Variants in MTMR9 observed in about 807,000 individuals in gnomAD.
The protein encoded by MTMR9 is myotubularin related protein 9, also known as myotubularin-related protein 9.
MTMR9 carries 39 observed loss-of-function variants against 69.5 expected under a neutral mutation model. That is an observed-to-expected ratio of 0.56 (90% CI 0.43 to 0.73). MTMR9 has a LOEUF of 0.73. Among genes scored for constraint, MTMR9 ranks in the 30% least tolerant of loss-of-function variants. The pLI is 0.00. For synonymous variants in MTMR9, 354 were observed against 240.8 expected, an observed-to-expected ratio of 1.47 and a Z score of -4.35; for missense variants, 900 against 671.2, an observed-to-expected ratio of 1.34 and a Z score of -3.77.
At chr8:11,297,600 A>C (rs1338242254) in intron 2 of MTMR9, among the ~76,000 whole-genome samples, 2 of 148,734 alleles carry the variant, frequency 1.3e-5, no homozygotes, top group Admixed American at 1.3e-4. Flanking sequence ...TTCCTTTGTG[A>C]GAATTGATCT....
Position 11,306,458 on chromosome 8 carries a change from G to T in MTMR9, c.809+51G>T, listed in dbSNP as rs75884818. The T allele has an allele frequency of 7.6e-4, 1,161 of 1,518,198 alleles. 9 individuals are homozygous for T. The African/African-American group carries it at 0.013, about 17-fold the overall frequency. 94.0% of individuals were successfully genotyped at this position (1,518,198 alleles called of 1,614,324 possible). ...ACTCTTATTAGAAGCTAATTATAGTGGGTAAGGCCTTAGCCATTTGAAAAT... is the reference window on the plus strand; with the variant it reads ...ACTCTTATTAGAAGCTAATTATAGTTGGTAAGGCCTTAGCCATTTGAAAAT... On this transcript the variant is annotated intron_variant, in intron 5 of 9. Coordinates refer to ENST00000221086, the MANE Select transcript of MTMR9 (RefSeq NM_015458.4).
downstream of MTMR9, among the ~76,000 whole-genome samples, chr8:11,330,238 A>T (rs1363515626): frequency 1.4e-5 from 2 of 147,066 alleles, no homozygotes; most frequent in Admixed American, 6.7e-5. Context: ...CCCGTCCGGG[A>T]GGGAGGTGGA....
downstream of MTMR9, chr8:11,332,322 A>C: frequency 5.6e-4 from 491 of 877,006 alleles, no homozygotes; most frequent in Middle Eastern, 7.6e-4. Context: ...CAAATGAGAA[A>C]TCTGGCTTAT....
intron 1 of MTMR9, among the ~76,000 whole-genome samples, chr8:11,285,560 T>C (rs1461821780): frequency 6.6e-6 from 1 of 152,200 alleles, no homozygotes; most frequent in East Asian, 1.9e-4. Flanking sequence ...TATTATTTCT[T>C]ACCTTCTGGG....
chr8:11,285,352 T>G, intron 1 of MTMR9: 1 of 329,752 alleles, frequency 3.0e-6, no homozygotes. Context: ...TTCGGCATTG[T>G]CTTTATAAAT....
intron 2 of MTMR9, among the ~76,000 whole-genome samples, chr8:11,296,437 A>G (rs1177747176): frequency 6.6e-6 from 1 of 152,202 alleles, no homozygotes; most frequent in Non-Finnish European, 1.5e-5. Flanking sequence ...TTAAGTGTAC[A>G]GTTTAGTAGG....
intron 1 of MTMR9, among the ~76,000 whole-genome samples, chr8:11,293,664 C>T (rs943274442): frequency 2.0e-5 from 3 of 151,728 alleles, no homozygotes; most frequent in South Asian, 2.1e-4. Context: ...CTCATGTTTT[C>T]TTCTAGCAGT....
At chr8:11,299,371 C>G (rs114766754) in intron 2 of MTMR9, among the ~76,000 whole-genome samples, 442 of 152,276 alleles carry the variant, frequency 2.9e-3, no homozygotes, top group African/African-American at 0.01. Context: ...GTGCCAGACA[C>G]TGTTCTAAGC....
chr8:11,314,636 T>C (rs1332466675), intron 6 of MTMR9, among the ~76,000 whole-genome samples: 1 of 152,228 alleles, frequency 6.6e-6, no homozygotes, highest in African/African-American at 2.4e-5. Context: ...AAAATTCAGC[T>C]AAAAGGTTCT....
chr8:11,294,890 C>G (rs1212206455), intron 1 of MTMR9: 2 of 183,200 alleles, frequency 1.1e-5, no homozygotes, highest in Admixed American at 1.2e-4. Flanking sequence ...TCTCTACAAA[C>G]ACTTAACACA....
At chr8:11,299,632 A>T (rs1047969121) in intron 2 of MTMR9, among the ~76,000 whole-genome samples, 1 of 152,212 alleles carries the variant, frequency 6.6e-6, no homozygotes, top group Non-Finnish European at 1.5e-5. Flanking sequence ...TTATTTAGGT[A>T]ATAACTGGAT....
intron 3 of MTMR9, among the ~76,000 whole-genome samples, chr8:11,304,200 ACCTT>A (rs1016877829): frequency 6.6e-6 from 1 of 152,202 alleles, no homozygotes; most frequent in Non-Finnish European, 1.5e-5. Context: ...CCTAAGCTTA[ACCTT>A]CCTTAGTATT....
At chr8:11,335,882 C>A in the MTMR9 span, among the ~76,000 whole-genome samples, 1 of 152,160 alleles carries the variant, frequency 6.6e-6, no homozygotes, top group Non-Finnish European at 1.5e-5. Flanking sequence ...ATTACATCTG[C>A]AATAACCCTA....
At chr8:11,286,024 C>T (rs1443740103) in intron 1 of MTMR9, among the ~76,000 whole-genome samples, 5 of 145,280 alleles carry the variant, frequency 3.4e-5, no homozygotes, top group African/African-American at 5.2e-5. Context: ...CCAATCTCGG[C>T]TCACTGTAAC....
chr8:11,322,846 C>T lies in MTMR9; in HGVS notation c.*58C>T. ...TTGGGCCTGTGTCCGCCGTTCTCTC[C>T]TTGTGCCCTTCAGTTCACTTTTACA... is the stretch of plus-strand genomic sequence containing the variant. On this transcript the variant is annotated 3_prime_UTR_variant, in exon 10 of 10. Transcript: ENST00000221086. 2.6e-6 allele frequency: 4 copies of T among 1,518,260 alleles called. No homozygotes were observed. The South Asian group carries it at 5.0e-5, about 19-fold the overall frequency. 94.0% of individuals were successfully genotyped at this position (1,518,260 alleles called of 1,614,324 possible).
At chr8:11,320,169 GGA>G (rs1394063332) in intron 9 of MTMR9, 3 of 211,974 alleles carry the variant, frequency 1.4e-5, no homozygotes, top group Non-Finnish European at 2.8e-5. Context: ...AGCTCATCAG[GGA>G]GAGTTTCTGT....
In MTMR9 at chr8:11,299,134, C is replaced by T. The variant is rs561342527; in HGVS notation, c.292-889C>T. 2.0e-5 allele frequency among the ~76,000 whole-genome samples: 3 copies of T among 152,220 alleles called. No homozygotes were observed. In the South Asian group the frequency reaches 6.2e-4, roughly 32 times the overall value. On this transcript the variant is annotated intron_variant, in intron 2 of 9. Transcript: ENST00000221086. ...CCTGAGGTCAGGAGTTCAAGTCTGG[C>T]CTGGCCAACATGGTGAAACCCCATC... is the stretch of plus-strand genomic sequence containing the variant.
At chr8:11,338,579 A>G in the MTMR9 span, among the ~76,000 whole-genome samples, 8 of 152,248 alleles carry the variant, frequency 5.3e-5, no homozygotes, top group Non-Finnish European at 1.2e-4. Flanking sequence ...AACCTTTTCC[A>G]CAGCGATCTG....
At chr8:11,293,403 G>A (rs143961374) in intron 1 of MTMR9, among the ~76,000 whole-genome samples, 2 of 152,168 alleles carry the variant, frequency 1.3e-5, no homozygotes. Context: ...TTACAGTAAG[G>A]TAAGGTTAAT....
Sources: allele counts gnomAD v4.1 joint callset (sites outside exome capture counted in the v4.1 genomes callset), GRCh38; gene constraint gnomAD v4.1.1; transcripts MANE v1.5; gene names NCBI Gene and HGNC (gene_info 2026-07-23, HGNC 2026-07-21).